CFAP276: variants seen among roughly 807,000 people sequenced by gnomAD.
CFAP276 encodes cilia- and flagella-associated protein 276.
At chr1:109,106,612 G>T in the CFAP276 span, 15 of 1,613,902 alleles carry the variant, frequency 9.3e-6, no homozygotes, top group Non-Finnish European at 1.3e-5. Flanking sequence ...GAAAGTGATG[G>T]GTGGAGTGGG....
At chr1:109,113,408 G>GAA in the CFAP276 span, among the ~76,000 whole-genome samples, 2 of 113,762 alleles carry the variant, frequency 1.8e-5, no homozygotes, top group African/African-American at 7.5e-5. Flanking sequence ...GAGAGAGAGA[G>GAA]AGAGAGAAAG....
the CFAP276 span, chr1:109,106,131 AT>A: frequency 1.3e-6 from 2 of 1,570,782 alleles, no homozygotes; most frequent in Non-Finnish European, 1.7e-6. Flanking sequence ...AGTGGACTGA[AT>A]TTCAGATCGT....
At chr1:109,107,920 C>G in the CFAP276 span, 1 of 1,601,070 alleles carries the variant, frequency 6.2e-7, no homozygotes, top group Non-Finnish European at 8.5e-7. Flanking sequence ...ATGCTAGGTA[C>G]CTCGGGATCA....
chr1:109,112,722 C>G, the CFAP276 span: 1 of 1,546,406 alleles, frequency 6.5e-7, no homozygotes, highest in African/African-American at 1.4e-5. Context: ...GAGGCCCGCT[C>G]AGCCGCAGCA....
chr1:109,111,919 G>C, the CFAP276 span, among the ~76,000 whole-genome samples: 2 of 152,314 alleles, frequency 1.3e-5, no homozygotes, highest in South Asian at 4.1e-4. Flanking sequence ...TACTACTAGA[G>C]TTCCTTGACA....
the CFAP276 span, chr1:109,112,675 G>A: frequency 6.5e-7 from 1 of 1,550,230 alleles, no homozygotes; most frequent in African/African-American, 1.4e-5. Context: ...CCGGGTGGGA[G>A]GCATGGCTAA....
At chr1:109,110,500 C>T in the CFAP276 span, among the ~76,000 whole-genome samples, 1 of 152,174 alleles carries the variant, frequency 6.6e-6, no homozygotes, top group African/African-American at 2.4e-5. Context: ...CTCAAATGCC[C>T]TCACCAAGCT....
chr1:109,113,207 T>C, the CFAP276 span, among the ~76,000 whole-genome samples: 1 of 151,850 alleles, frequency 6.6e-6, no homozygotes, highest in African/African-American at 2.4e-5. Flanking sequence ...CTGGGCAACA[T>C]GGCGAAACCC....
At chr1:109,108,654 T>G in the CFAP276 span, among the ~76,000 whole-genome samples, 1 of 152,124 alleles carries the variant, frequency 6.6e-6, no homozygotes, top group Admixed American at 6.5e-5. Flanking sequence ...GTACTGAGTT[T>G]GAAGAAAAGG....
chr1:109,107,195 C>G, the CFAP276 span: 1 of 1,131,784 alleles, frequency 8.8e-7, no homozygotes, highest in Non-Finnish European at 1.3e-6. Context: ...CTATTGTGCT[C>G]TACTCTTCCC....
At chr1:109,106,518 A>C in the CFAP276 span, 1 of 1,612,560 alleles carries the variant, frequency 6.2e-7, no homozygotes, top group Non-Finnish European at 8.5e-7. Flanking sequence ...CTGCTTACCC[A>C]GTCCTCTAAC....
chr1:109,111,495 A>G, the CFAP276 span, among the ~76,000 whole-genome samples: 1 of 145,466 alleles, frequency 6.9e-6, no homozygotes, highest in Non-Finnish European at 1.5e-5. Flanking sequence ...ATATCCCACA[A>G]TGATTCCTCA....
the CFAP276 span, among the ~76,000 whole-genome samples, chr1:109,110,097 C>A: frequency 6.6e-6 from 1 of 152,190 alleles, no homozygotes; most frequent in Non-Finnish European, 1.5e-5. Flanking sequence ...CATCCACTTT[C>A]TTTCCATCTC....
the CFAP276 span, chr1:109,112,469 A>G: frequency 7.4e-7 from 1 of 1,350,542 alleles, no homozygotes; most frequent in Non-Finnish European, 9.8e-7. Flanking sequence ...GCAGGCAGAA[A>G]ACAGACTTCC....
At chr1:109,106,736 G>T in the CFAP276 span, 1 of 1,489,506 alleles carries the variant, frequency 6.7e-7, no homozygotes, top group Non-Finnish European at 9.1e-7. Flanking sequence ...GTAGTTGAAT[G>T]TGATCTCAAG....
At chr1:109,113,467 A>G in the CFAP276 span, among the ~76,000 whole-genome samples, 995 of 126,364 alleles carry the variant, frequency 7.9e-3, 13 homozygotes, top group Middle Eastern at 0.013. Flanking sequence ...AGAGAGAGAG[A>G]GGCCCACGTG....
chr1:109,106,229 G>A, the CFAP276 span: 6 of 824,836 alleles, frequency 7.3e-6, no homozygotes, highest in Non-Finnish European at 1.2e-5. Flanking sequence ...ACCGGCATAT[G>A]GAGGACTGAT....
the CFAP276 span, among the ~76,000 whole-genome samples, chr1:109,113,256 G>C: frequency 3.6e-4 from 54 of 152,082 alleles, no homozygotes; most frequent in Non-Finnish European, 6.8e-4. Flanking sequence ...AGCTGGGCTT[G>C]GTGGCACGCG....
the CFAP276 span, among the ~76,000 whole-genome samples, chr1:109,112,263 T>C: frequency 6.6e-6 from 1 of 152,212 alleles, no homozygotes; most frequent in East Asian, 1.9e-4. Context: ...TCCCACTCCA[T>C]ATCTCATTTC....
Sources: gnomAD v4.1 joint callset for allele counts (sites outside exome capture counted in the v4.1 genomes callset) on GRCh38, gnomAD v4.1.1 for gene constraint, MANE v1.5 for transcripts, NCBI Gene and HGNC (gene_info 2026-07-23, HGNC 2026-07-21) for gene names.